The following APOO variants were observed in gnomAD, a reference collection of about 807,000 sequenced individuals.
APOO encodes the protein apolipoprotein O.
In APOO, 11 loss-of-function variants were observed where a neutral mutation model predicts 23.1. That is an observed-to-expected ratio of 0.48 (90% CI 0.30 to 0.79). The LOEUF (loss-of-function observed/expected upper bound fraction) is 0.79, where lower values mean the gene tolerates loss of function less well. APOO is among the 30% of genes least tolerant of loss of function. APOO has a pLI of 0.07. For missense variants in APOO, 160 were observed against 142.7 expected (o/e 1.12, Z -0.62); for synonymous variants, 59 against 54.8 (o/e 1.08, Z -0.34).
chrX:23,865,072 G>A (rs922346687), intron 5 of APOO, among the ~76,000 whole-genome samples: 1 of 111,741 alleles, frequency 8.9e-6, no homozygotes. Flanking sequence ...GAGGCCAGTG[G>A]TACAGGTTGT....
chrX:23,870,342 A>G (rs769830756), intron 4 of APOO, among the ~76,000 whole-genome samples: 68 of 111,610 alleles, frequency 6.1e-4, no homozygotes, highest in African/African-American at 2.0e-3. Flanking sequence ...ATCACTTGGT[A>G]CCTAATCCTA....
At chrX:23,836,440 G>A (rs1158589259) in intron 8 of APOO, among the ~76,000 whole-genome samples, 4 of 111,096 alleles carry the variant, frequency 3.6e-5, no homozygotes, top group South Asian at 3.8e-4. Context: ...TCGGCCTCCC[G>A]AGTAGCTGGG....
intron 1 of APOO, among the ~76,000 whole-genome samples, chrX:23,885,388 A>T (rs1926324960): frequency 9.5e-6 from 1 of 105,298 alleles, no homozygotes; most frequent in African/African-American, 3.5e-5. Flanking sequence ...AAATATATAT[A>T]TTATATATAT....
intron 4 of APOO, 24 bp from the exon 5 acceptor site, chrX:23,868,712 G>A (rs776307138): frequency 7.9e-6 from 9 of 1,141,915 alleles, no homozygotes; most frequent in Non-Finnish European, 1.1e-5. Context: ...AGACCAGGAA[G>A]CAGTTCCATA....
Position 23,856,329 on chromosome X carries a change from T to A in APOO, c.534A>T (p.Glu178Asp). Residue 178 changes from glutamate (E) to aspartate (D), a missense_variant, in exon 7 of 9, where the codon GAA becomes GAT. Coordinates refer to ENST00000379226, the MANE Select transcript of APOO (RefSeq NM_024122.5). ...TTTGAAAGTTCTCCTTCCACAAATC[T>A]TCTATGACTATATATCCTCGTAAAC... Reference protein sequence around the residue: ...DWGLRGYIVIEDLWKENFQKP... With the variant: ...DWGLRGYIVIDDLWKENFQKP... The A allele has an allele frequency of 8.3e-7, 1 of 1,210,409 alleles. No homozygotes were observed. The highest frequency in any genetic ancestry group is 1.1e-6 in the Non-Finnish European group (1 of 894,896).
At chrX:23,856,453 A>G (rs1924789112) in intron 6 of APOO, 71 bp from the exon 7 acceptor site, 4 of 871,767 alleles carry the variant, frequency 4.6e-6, no homozygotes, top group Non-Finnish European at 5.0e-6. Context: ...ATAATGGAAT[A>G]TAAATCATTT....
rs1174115143 is a variant in APOO, at chrX:23,836,700, T to A, written c.*30-3088A>T. 9 of 442,112 alleles carry A rather than the reference T, an allele frequency of 2.0e-5. No homozygotes were observed. The East Asian group carries it at 3.4e-4, about 17-fold the overall frequency. The allele number at this position is 442,112 out of a possible 1,213,427, so 36.4% of individuals were successfully genotyped here. On this transcript the variant is annotated intron_variant, in intron 8 of 8. Coordinates refer to ENST00000379226, the MANE Select transcript of APOO (RefSeq NM_024122.5). ...AAATATCACAAGTAGGTCTTAAGTG[T>A]CATCTGGCATCTTCTTTCTGTAGCC...
At position 23,878,956 on chromosome X, in the gene APOO, G is replaced by A; in HGVS notation, c.196C>T (p.Gln66Ter). The A allele has an allele frequency of 8.3e-7, 1 of 1,211,547 alleles. No homozygotes were observed. The highest frequency in any genetic ancestry group is 1.1e-6 in the Non-Finnish European group (1 of 895,260). ...ARSQLEESISQLRHYCEPYTT... is the reference protein window; with the variant it reads ...ARSQLEESIS Reference sequence around the variant, plus strand: ...TATGGCTCGCAATAGTGTCGGAGCTGTGAGATGCTTTCTTCAAGCTGGCTC... The same window carrying A: ...TATGGCTCGCAATAGTGTCGGAGCTATGAGATGCTTTCTTCAAGCTGGCTC... Residue 66 changes from glutamine (Q) to a stop codon, truncating the protein, a stop_gained, in exon 3 of 9, where the codon CAG (glutamine) becomes TAG (stop). Coordinates refer to ENST00000379226, the MANE Select transcript of APOO (RefSeq NM_024122.5). LOFTEE classifies it high-confidence loss of function.
chrX:23,885,710 TTTC>T (rs1268755417), intron 1 of APOO, among the ~76,000 whole-genome samples: 1 of 111,062 alleles, frequency 9.0e-6, no homozygotes, highest in East Asian at 2.8e-4. Flanking sequence ...CCTAAACTGT[TTTC>T]TTCTTCTTCC....
chrX:23,857,828 C>G (rs760012209), intron 6 of APOO, among the ~76,000 whole-genome samples: 9 of 111,211 alleles, frequency 8.1e-5, no homozygotes, highest in Non-Finnish European at 1.7e-4. Flanking sequence ...CCCACTCACT[C>G]CAGATATCAC....
At chrX:23,899,058 G>A (rs764724449) in intron 1 of APOO, among the ~76,000 whole-genome samples, 1 of 112,399 alleles carries the variant, frequency 8.9e-6, no homozygotes, top group South Asian at 3.7e-4. Flanking sequence ...ACATGCACTT[G>A]TGGATCTATC....
At chrX:23,869,679 C>T (rs1480070968) in intron 4 of APOO, among the ~76,000 whole-genome samples, 3 of 101,594 alleles carry the variant, frequency 3.0e-5, no homozygotes, top group Non-Finnish European at 5.9e-5. Context: ...AGGCCAGGTG[C>T]GGTGGCTCAC....
intron 1 of APOO, among the ~76,000 whole-genome samples, chrX:23,895,078 G>A (rs1400703583): frequency 1.8e-5 from 2 of 109,587 alleles, no homozygotes; most frequent in East Asian, 5.7e-4. Flanking sequence ...GCAAAAGGCT[G>A]CAGTGGGCCG....
chrX:23,868,466 C>T (rs888277721), intron 5 of APOO, 127 bp downstream of exon 5: 1 of 458,205 alleles, frequency 2.2e-6, no homozygotes, highest in Non-Finnish European at 3.7e-6. Flanking sequence ...ATCCATTATA[C>T]ATTAAGAAAG....
intron 5 of APOO, among the ~76,000 whole-genome samples, chrX:23,867,109 T>G (rs1202444720): frequency 9.6e-6 from 1 of 104,316 alleles, no homozygotes; most frequent in Admixed American, 1.0e-4. Flanking sequence ...CAAATTAAGC[T>G]AAACGAAACG....
chrX:23,871,134 G>A (rs1044236131), intron 4 of APOO, among the ~76,000 whole-genome samples: 3 of 103,015 alleles, frequency 2.9e-5, no homozygotes, highest in Non-Finnish European at 5.9e-5. Context: ...GCCAGGAGTT[G>A]ATAAATACTG....
intron 1 of APOO, among the ~76,000 whole-genome samples, chrX:23,895,875 TA>T (rs1238646772): frequency 1.8e-4 from 19 of 103,808 alleles, no homozygotes; most frequent in East Asian, 6.0e-4. Flanking sequence ...GCATTTTTTT[TA>T]AAAAAAAAAA....
At chrX:23,861,361 TC>T (rs1404438393) in intron 5 of APOO, among the ~76,000 whole-genome samples, 1 of 108,978 alleles carries the variant, frequency 9.2e-6, no homozygotes, top group Non-Finnish European at 1.9e-5. Context: ...AGACACCAGC[TC>T]CCCCTTTGCC....
intron 1 of APOO, among the ~76,000 whole-genome samples, chrX:23,900,713 G>A (rs747920159): frequency 2.5e-4 from 27 of 106,730 alleles, no homozygotes; most frequent in Admixed American, 2.4e-3. Context: ...CAACAAGGTC[G>A]CTCAGCCAGA....
Sources: allele counts gnomAD v4.1 joint callset (sites outside exome capture counted in the v4.1 genomes callset), GRCh38; gene constraint gnomAD v4.1.1; transcripts MANE v1.5; gene names NCBI Gene and HGNC (gene_info 2026-07-23, HGNC 2026-07-21).